MAF: variants seen among roughly 807,000 people sequenced by gnomAD.
The protein encoded by MAF is transcription factor Maf.
A neutral mutation model predicts 22.0 loss-of-function variants in MAF; 10 were observed. The observed-to-expected ratio is 0.45, with a 90% CI of 0.28 to 0.77. The LOEUF (loss-of-function observed/expected upper bound fraction) is 0.77. Among genes scored for constraint, MAF ranks in the 30% least tolerant of loss-of-function variants. The pLI is 0.12. For synonymous variants in MAF, 337 were observed against 255.8 expected, an observed-to-expected ratio of 1.32 and a Z score of -3.03; for missense variants, 544 against 548.4, an observed-to-expected ratio of 0.99 and a Z score of 0.08.
rs1913455316 is a variant in MAF at position 79,595,389 on chromosome 16, T to G, written c.1119-836A>C. ...CAACCTGTTTTCTTAAAAATAAGTCTTTCAGTCAGAGTTGCAATATTATCT... is the reference window on the plus strand; with the variant it reads ...CAACCTGTTTTCTTAAAAATAAGTCGTTCAGTCAGAGTTGCAATATTATCT... On this transcript the variant is annotated intron_variant, in intron 1 of 1. Coordinates refer to ENST00000326043, the MANE Select transcript of MAF (RefSeq NM_005360.5). The G allele has an allele frequency of 6.7e-6, 7 of 1,052,372 alleles. No individual in the cohort carries two copies. In the South Asian group the frequency reaches 2.7e-4, roughly 41 times the overall value. 65.2% of individuals were successfully genotyped at this position (1,052,372 alleles called of 1,614,324 possible). A position where few individuals can be genotyped will look rare whatever the true frequency, so the allele number is the denominator to read the frequency against.
chr16:79,598,096 T>C, intron 1 of MAF: 4 of 1,044,132 alleles, frequency 3.8e-6, no homozygotes, highest in Non-Finnish European at 4.6e-6. Flanking sequence ...TCTATAACAT[T>C]TCACATTTTT....
At chr16:79,509,773 T>C in the MAF span, among the ~76,000 whole-genome samples, 2 of 152,224 alleles carry the variant, frequency 1.3e-5, no homozygotes, top group Non-Finnish European at 1.5e-5. Context: ...ACTCCACTGT[T>C]ATCCACAAAA....
the MAF span, among the ~76,000 whole-genome samples, chr16:79,329,118 G>T: frequency 6.6e-6 from 1 of 151,462 alleles, no homozygotes. Context: ...CCCACATTCT[G>T]GTTCTTGTTC....
the MAF span, among the ~76,000 whole-genome samples, chr16:79,300,322 C>T: frequency 3.9e-5 from 6 of 152,186 alleles, no homozygotes; most frequent in East Asian, 1.9e-4. Flanking sequence ...TTTGGGAGGC[C>T]GAGCCAGGTG....
Position 79,594,174 on chromosome 16 carries a change from T to C in MAF, c.*286A>G. ...ATATATGCATATATATGTATCTTTG[T>C]AATTTCAGTGAATTTTTAAAACTAG... On this transcript the variant is annotated 3_prime_UTR_variant, in exon 2 of 2. Coordinates refer to ENST00000326043, the MANE Select transcript of MAF (RefSeq NM_005360.5). The C allele has an allele frequency of 2.3e-6, 1 of 428,158 alleles. No individual in the cohort carries two copies. The highest frequency in any genetic ancestry group is 3.6e-5 in the Admixed American group (1 of 27,764). The allele number at this position is 428,158 out of a possible 1,614,324, so 26.5% of individuals were successfully genotyped here. A position where few individuals can be genotyped will look rare whatever the true frequency, so the allele number is the denominator to read the frequency against.
the MAF span, among the ~76,000 whole-genome samples, chr16:79,410,250 G>A: frequency 2.0e-5 from 3 of 152,140 alleles, no homozygotes; most frequent in South Asian, 2.1e-4. Flanking sequence ...ACATGGCTGC[G>A]CTGGAATCTC....
the MAF span, among the ~76,000 whole-genome samples, chr16:79,549,214 T>C: frequency 6.6e-6 from 1 of 151,350 alleles, no homozygotes; most frequent in Non-Finnish European, 1.5e-5. Flanking sequence ...TGGCATTTCC[T>C]GAGCAGTCAT....
chr16:79,594,683 C>G lies in MAF; in HGVS notation c.1119-130G>C, dbSNP rs564834501. The G allele has an allele frequency of 4.8e-3, 7,182 of 1,489,678 alleles. 25 individuals carry two copies. The highest frequency in any genetic ancestry group is 6.0e-3 in the Non-Finnish European group (6,800 of 1,124,252). The allele number at this position is 1,489,678 out of a possible 1,614,324, so 92.3% of individuals were successfully genotyped here. On this transcript the variant is annotated intron_variant, in intron 1 of 1. Coordinates refer to ENST00000326043, the MANE Select transcript of MAF (RefSeq NM_005360.5). Reference sequence around the variant, plus strand: ...TAGAGACTTATTGTAATGAATGGCACTTACTCAGGATTTAGGAGTTCTTTG... The same window carrying G: ...TAGAGACTTATTGTAATGAATGGCAGTTACTCAGGATTTAGGAGTTCTTTG...
the MAF span, among the ~76,000 whole-genome samples, chr16:79,312,707 T>G: frequency 6.6e-6 from 1 of 152,240 alleles, no homozygotes; most frequent in Non-Finnish European, 1.5e-5. Flanking sequence ...GCCGCTACTT[T>G]CATATCTAAT....
chr16:79,474,994 G>A, the MAF span, among the ~76,000 whole-genome samples: 2 of 152,216 alleles, frequency 1.3e-5, no homozygotes, highest in Non-Finnish European at 2.9e-5. Flanking sequence ...CACTGTGCTG[G>A]TAGCAGAAGA....
At chr16:79,291,752 A>G in the MAF span, among the ~76,000 whole-genome samples, 1 of 148,672 alleles carries the variant, frequency 6.7e-6, no homozygotes. Flanking sequence ...TTATTTATTC[A>G]TTCAAAAGTA....
chr16:79,216,739 A>G, the MAF span, among the ~76,000 whole-genome samples: 1 of 151,814 alleles, frequency 6.6e-6, no homozygotes. Flanking sequence ...TAAGTTGAGG[A>G]GCCTCTGTGT....
chr16:79,212,394 G>T, the MAF span: 7 of 457,366 alleles, frequency 1.5e-5, no homozygotes, highest in African/African-American at 1.3e-4. Flanking sequence ...AGGTGGCAAA[G>T]TACTTGTCAT....
the MAF span, chr16:79,516,079 C>G: frequency 2.0e-5 from 3 of 151,868 alleles, no homozygotes; most frequent in Non-Finnish European, 4.4e-5. Context: ...CTCCCCCACT[C>G]CCACCTCTAT....
the MAF span, among the ~76,000 whole-genome samples, chr16:79,281,481 G>C: frequency 6.6e-6 from 1 of 150,590 alleles, no homozygotes; most frequent in African/African-American, 2.4e-5. Flanking sequence ...AAAAAGGTTT[G>C]TAATTCAGTT....
the MAF span, among the ~76,000 whole-genome samples, chr16:79,543,171 G>C: frequency 3.9e-5 from 6 of 152,200 alleles, no homozygotes; most frequent in Admixed American, 3.9e-4. Context: ...AATAAAAGCA[G>C]ATTTTTCTCA....
At chr16:79,301,124 G>A in the MAF span, among the ~76,000 whole-genome samples, 2 of 152,134 alleles carry the variant, frequency 1.3e-5, no homozygotes, top group Non-Finnish European at 2.9e-5. Flanking sequence ...GGAAACTCCA[G>A]CTGCTCTTGC....
At chr16:79,464,649 C>G in the MAF span, among the ~76,000 whole-genome samples, 5 of 152,166 alleles carry the variant, frequency 3.3e-5, no homozygotes, top group African/African-American at 1.2e-4. Context: ...TTCAGGGTAC[C>G]TGGCAAATGA....
the MAF span, among the ~76,000 whole-genome samples, chr16:79,336,053 C>G: frequency 0.033 from 5,041 of 152,274 alleles, 104 homozygotes; most frequent in African/African-American, 0.044. Flanking sequence ...GAAGCTAGGG[C>G]TATGGAGTGA....
Sources: gnomAD v4.1 joint callset for allele counts (sites outside exome capture counted in the v4.1 genomes callset) on GRCh38, gnomAD v4.1.1 for gene constraint, MANE v1.5 for transcripts, NCBI Gene and HGNC (gene_info 2026-07-23, HGNC 2026-07-21) for gene names.